The following CPED1 variants were observed in gnomAD, a reference collection of about 807,000 sequenced individuals.
CPED1 encodes the protein cadherin like and PC-esterase domain containing 1.
CPED1 carries 114 observed loss-of-function variants against 128.2 expected under a neutral mutation model. The observed-to-expected ratio is 0.89, with a 90% CI of 0.76 to 1.04. The LOEUF (loss-of-function observed/expected upper bound fraction) is 1.04, where lower values mean the gene tolerates loss of function less well. Ranked by LOEUF, CPED1 falls within the 50% of genes least tolerant of loss-of-function variation. The probability of loss-of-function intolerance (pLI) is 0.00; values close to 1 mark genes in which losing one functional copy is unlikely to be tolerated. For synonymous variants in CPED1, 462 were observed against 426.7 expected, an observed-to-expected ratio of 1.08 and a Z score of -1.02; for missense variants, 1,211 against 1,207.1, an observed-to-expected ratio of 1.00 and a Z score of -0.05.
In CPED1 at chr7:121,033,077, A is replaced by G. The variant is rs139529289; in HGVS notation, c.434-13810A>G. Among the ~76,000 whole-genome samples the G allele has an allele frequency of 3.9e-5, 6 of 152,316 alleles. No homozygotes were observed. In the East Asian group the frequency reaches 9.6e-4, roughly 24 times the overall value. ...TATTTCAGGGCTCAAGATGTCACCT[A>G]TTCTAGCAAATAAGAGAAAACTGCT... On this transcript the variant is annotated intron_variant, in intron 3 of 22. Transcript: ENST00000310396.
chr7:121,060,002 G>A (rs1793611515), intron 4 of CPED1, among the ~76,000 whole-genome samples: 1 of 152,174 alleles, frequency 6.6e-6, no homozygotes. Context: ...CGGGCTGCGC[G>A]CGGCGCTTGC....
At chr7:121,190,405 A>AAG (rs1468311527) in intron 16 of CPED1, among the ~76,000 whole-genome samples, 1 of 151,544 alleles carries the variant, frequency 6.6e-6, no homozygotes, top group East Asian at 1.9e-4. Context: ...AAAAAAAAAA[A>AAG]AAAAAAGACT....
At chr7:121,266,542 G>A in intron 19 of CPED1, 95 bp downstream of exon 19, 4 of 1,239,278 alleles carry the variant, frequency 3.2e-6, no homozygotes, top group South Asian at 1.2e-5. Flanking sequence ...TACATCAAAT[G>A]TGCTCAAAAG....
intron 5 of CPED1, among the ~76,000 whole-genome samples, chr7:121,094,396 T>A (rs1441118162): frequency 6.6e-6 from 1 of 152,186 alleles, no homozygotes; most frequent in Non-Finnish European, 1.5e-5. Flanking sequence ...GTTTTTTCAG[T>A]GTTTAATATT....
intron 2 of CPED1, among the ~76,000 whole-genome samples, chr7:121,012,290 T>C (rs982490553): frequency 2.0e-5 from 3 of 152,220 alleles, no homozygotes; most frequent in South Asian, 2.1e-4. Flanking sequence ...ACAACTTTTA[T>C]GTAGTCTAGC....
chr7:121,277,556 C>A (rs1234831991), intron 22 of CPED1, among the ~76,000 whole-genome samples: 1 of 152,068 alleles, frequency 6.6e-6, no homozygotes, highest in African/African-American at 2.4e-5. Context: ...GCATTGCCTA[C>A]ACGTCATCGA....
Position 121,140,964 on chromosome 7 carries a change from A to G in CPED1, c.1837A>G (p.Thr613Ala). The change falls in exon 15 of 23, where the codon ACT becomes GCT. Residue 613 changes from threonine to alanine, a missense_variant. Coordinates refer to ENST00000310396, the MANE Select transcript of CPED1 (RefSeq NM_024913.5). The stretch of plus-strand genomic sequence containing the variant: ...GGTAACAGTGACAATTGGAGTGGAA[A>G]CTCCTAAGTGTCTGTGCAAGGTGCA... ...DVVTVTIGVE[T>A]PKCLCKVHLY... 6.2e-7 allele frequency: 1 copy of G among 1,612,590 alleles called. No individual in the cohort carries two copies. The highest frequency in any genetic ancestry group is 8.5e-7 in the Non-Finnish European group (1 of 1,179,194).
intron 4 of CPED1, among the ~76,000 whole-genome samples, chr7:121,059,297 A>G (rs944682996): frequency 6.6e-6 from 1 of 152,188 alleles, no homozygotes; most frequent in Non-Finnish European, 1.5e-5. Context: ...TTTCAGGTGA[A>G]TTTGATGGAA....
Position 121,127,081 on chromosome 7 carries a change from C to T in CPED1, c.1135-9C>T, listed in dbSNP as rs947652748. The T allele has an allele frequency of 2.6e-6, 4 of 1,545,722 alleles. No homozygotes were observed. The highest frequency in any genetic ancestry group is 3.5e-6 in the Non-Finnish European group (4 of 1,150,676). ...GAAAAATATTTGCTGTGCTTTTGTT[C>T]TTTCAAAGGTACACGAGCATTTAAA... is the stretch of plus-strand genomic sequence containing the variant. On this transcript the variant is annotated splice_polypyrimidine_tract_variant and intron_variant, in intron 9 of 22. Transcript: ENST00000310396.
chr7:121,091,836 A>T (rs1007180823), intron 5 of CPED1, among the ~76,000 whole-genome samples: 2 of 152,194 alleles, frequency 1.3e-5, no homozygotes, highest in African/African-American at 4.8e-5. Context: ...AATGTTATTT[A>T]TAATATTATT....
intron 16 of CPED1, among the ~76,000 whole-genome samples, chr7:121,173,274 C>A (rs1285917370): frequency 6.6e-6 from 1 of 152,062 alleles, no homozygotes; most frequent in East Asian, 1.9e-4. Flanking sequence ...CTTTTAGGTT[C>A]ATGGTTACAT....
intron 4 of CPED1, among the ~76,000 whole-genome samples, chr7:121,054,410 T>G (rs555888646): frequency 6.6e-6 from 1 of 152,210 alleles, no homozygotes; most frequent in Non-Finnish European, 1.5e-5. Flanking sequence ...ACCCATACAT[T>G]AATTTCAGAA....
chr7:121,114,916 C>T (rs1795201171), intron 7 of CPED1, among the ~76,000 whole-genome samples: 1 of 152,150 alleles, frequency 6.6e-6, no homozygotes, highest in South Asian at 2.1e-4. Context: ...CATGCATAAT[C>T]GTCTGTTGAT....
chr7:121,006,723 C>T (rs1055929888), intron 2 of CPED1, among the ~76,000 whole-genome samples: 1 of 152,180 alleles, frequency 6.6e-6, no homozygotes, highest in Non-Finnish European at 1.5e-5. Flanking sequence ...GTCAAGACCA[C>T]CATCTCTCAG....
intron 7 of CPED1, among the ~76,000 whole-genome samples, chr7:121,115,833 G>A (rs1383043113): frequency 3.3e-5 from 5 of 152,110 alleles, no homozygotes; most frequent in African/African-American, 1.2e-4. Context: ...TCGAACAATG[G>A]CATTCATATA....
At chr7:121,018,221 C>T (rs1486633128) in intron 3 of CPED1, among the ~76,000 whole-genome samples, 3 of 152,030 alleles carry the variant, frequency 2.0e-5, no homozygotes, top group Admixed American at 1.3e-4. Context: ...TTTATTGCAG[C>T]CTATTTTCCA....
intron 2 of CPED1, among the ~76,000 whole-genome samples, chr7:121,007,221 T>C (rs1322028749): frequency 6.8e-6 from 1 of 146,014 alleles, no homozygotes; most frequent in African/African-American, 2.5e-5. Flanking sequence ...TGCGAAACTG[T>C]TCAGGTTGCA....
chr7:121,194,357 A>G (rs1003121515), intron 16 of CPED1, among the ~76,000 whole-genome samples: 1 of 152,008 alleles, frequency 6.6e-6, no homozygotes, highest in Non-Finnish European at 1.5e-5. Context: ...GGCCTATAAT[A>G]TATTTTGAAA....
intron 4 of CPED1, among the ~76,000 whole-genome samples, chr7:121,063,139 A>G (rs1462148863): frequency 6.6e-6 from 1 of 152,162 alleles, no homozygotes; most frequent in Non-Finnish European, 1.5e-5. Flanking sequence ...TTCATACAGG[A>G]TCTGGGCTGA....
Sources: gnomAD v4.1 joint callset for allele counts (sites outside exome capture counted in the v4.1 genomes callset) on GRCh38, gnomAD v4.1.1 for gene constraint, MANE v1.5 for transcripts, NCBI Gene and HGNC (gene_info 2026-07-23, HGNC 2026-07-21) for gene names.